Variants in CNTNAP2 observed in about 807,000 individuals in gnomAD.
The protein encoded by CNTNAP2 is contactin-associated protein-like 2.
CNTNAP2 carries 98 observed loss-of-function variants against 155.2 expected under a neutral mutation model. That is an observed-to-expected ratio of 0.63 (90% CI 0.54 to 0.75). The LOEUF (loss-of-function observed/expected upper bound fraction) is 0.75. CNTNAP2 is among the 30% of genes least tolerant of loss of function. The pLI is 0.00. For missense variants in CNTNAP2, 1,727 were observed against 1,688.1 expected, an observed-to-expected ratio of 1.02 and a Z score of -0.40; for synonymous variants, 651 against 631.2, an observed-to-expected ratio of 1.03 and a Z score of -0.47.
chr7:147,775,328 TATATTTATAA>T (rs1797559253), intron 13 of CNTNAP2, among the ~76,000 whole-genome samples: 2 of 53,300 alleles, frequency 3.8e-5, no homozygotes, highest in Admixed American at 2.5e-4. Context: ...TATATTTATA[TATATTTATAA>T]ATATATATAT....
Position 147,322,288 on chromosome 7 carries a change from A to G in CNTNAP2, c.1498+21998A>G, listed in dbSNP as rs185045562. ...TAACCAAATATCCAGGTAAAGATCT[A>G]AGTCTATGCAAGGGGGGAAAGTAAT... On this transcript the variant is annotated intron_variant, in intron 9 of 23. Coordinates refer to ENST00000361727, the MANE Select transcript of CNTNAP2 (RefSeq NM_014141.6). 1.1e-3 allele frequency among the ~76,000 whole-genome samples: 169 copies of G among 152,316 alleles called. 2 individuals are homozygous for G. In the East Asian group the frequency reaches 0.024, roughly 22 times the overall value.
At chr7:146,524,634 A>G (rs1169940633) in intron 1 of CNTNAP2, among the ~76,000 whole-genome samples, 2 of 152,080 alleles carry the variant, frequency 1.3e-5, no homozygotes, top group Non-Finnish European at 2.9e-5. Flanking sequence ...TTGTTTTCTC[A>G]CCACAATGCC....
At chr7:147,757,951 G>A (rs1797237360) in intron 13 of CNTNAP2, among the ~76,000 whole-genome samples, 1 of 152,104 alleles carries the variant, frequency 6.6e-6, no homozygotes. Context: ...AAGGCCCACT[G>A]AAAAACAAAC....
chr7:146,883,184 G>T lies in CNTNAP2; in HGVS notation c.402+43280G>T, dbSNP rs545419468. ...TTATTTTAGCCATGGATATGCATTTGTACATTGTATTTTTCAAAATTTTTA... is the reference window on the plus strand; with the variant it reads ...TTATTTTAGCCATGGATATGCATTTTTACATTGTATTTTTCAAAATTTTTA... On this transcript the variant is annotated intron_variant, in intron 3 of 23. Transcript: ENST00000361727. Among the ~76,000 whole-genome samples the T allele has an allele frequency of 6.7e-4, 102 of 152,178 alleles. 1 individual carries two copies. Among genetic ancestry groups the T allele is most frequent in the Middle Eastern group, 6.8e-3 (2 of 294 alleles).
intron 4 of CNTNAP2, chr7:147,085,885 G>A (rs1303457388): frequency 6.6e-6 from 1 of 152,216 alleles, no homozygotes; most frequent in Non-Finnish European, 1.5e-5. Flanking sequence ...CAAATGTCCT[G>A]TGTGTTCCTG....
intron 1 of CNTNAP2, among the ~76,000 whole-genome samples, chr7:146,246,844 C>G (rs564805528): frequency 6.6e-6 from 1 of 152,304 alleles, no homozygotes; most frequent in Non-Finnish European, 1.5e-5. Context: ...GCACTTGTAG[C>G]AAGCTCCTGG....
intron 21 of CNTNAP2, among the ~76,000 whole-genome samples, chr7:148,340,107 ATT>A (rs1292035214): frequency 6.6e-6 from 1 of 152,032 alleles, no homozygotes; most frequent in African/African-American, 2.4e-5. Context: ...ATGCTATAAA[ATT>A]TTTGAGACTT....
rs60540172 is a variant in CNTNAP2, at chr7:146,535,315, C to A, written c.98-238956C>A. Among the ~76,000 whole-genome samples the A allele has an allele frequency of 1.5e-4, 8 of 52,550 alleles. 1 individual carries two copies. Among genetic ancestry groups the A allele is most frequent in the East Asian group, 6.3e-4 (1 of 1,584 alleles). 34.5% of individuals were successfully genotyped at this position (52,550 alleles called of 152,430 possible). A position where few individuals can be genotyped will look rare whatever the true frequency, so the allele number is the denominator to read the frequency against. On this transcript the variant is annotated intron_variant, in intron 1 of 23. Coordinates refer to ENST00000361727, the MANE Select transcript of CNTNAP2 (RefSeq NM_014141.6). ...ATGTATATTATATATGATATTATAT[C>A]ATATATATTATATATTATATAATGC...
chr7:147,856,583 A>G (rs561822790), intron 13 of CNTNAP2, among the ~76,000 whole-genome samples: 8 of 151,250 alleles, frequency 5.3e-5, no homozygotes, highest in Non-Finnish European at 1.2e-4. Flanking sequence ...CCCAATACTT[A>G]TCTGTTGACA....
chr7:148,000,688 C>G (rs1234376549), intron 15 of CNTNAP2, among the ~76,000 whole-genome samples: 2 of 152,186 alleles, frequency 1.3e-5, no homozygotes, highest in African/African-American at 2.4e-5. Flanking sequence ...GAAAGATTCC[C>G]TGGCTGAATT....
Position 147,511,715 on chromosome 7 carries a change from G to A in CNTNAP2, c.1777+25674G>A, listed in dbSNP as rs564677163. On this transcript the variant is annotated intron_variant, in intron 11 of 23. Transcript: ENST00000361727. ...TAATGGCATCCAATCATACTTAGTCGCTGTGTAGATAGAAAGCTCTTTGCA... is the reference window on the plus strand; with the variant it reads ...TAATGGCATCCAATCATACTTAGTCACTGTGTAGATAGAAAGCTCTTTGCA... 2.0e-5 allele frequency among the ~76,000 whole-genome samples: 3 copies of A among 152,150 alleles called. No homozygotes were observed. In the South Asian group the frequency reaches 6.2e-4, roughly 32 times the overall value.
chr7:146,951,190 A>G (rs1216403790), intron 3 of CNTNAP2, among the ~76,000 whole-genome samples: 1 of 152,158 alleles, frequency 6.6e-6, no homozygotes, highest in East Asian at 1.9e-4. Flanking sequence ...GATTCTGGAT[A>G]TTAGCCCTTT....
At chr7:147,826,715 G>A (rs1798456758) in intron 13 of CNTNAP2, among the ~76,000 whole-genome samples, 1 of 151,884 alleles carries the variant, frequency 6.6e-6, no homozygotes, top group Admixed American at 6.6e-5. Context: ...GAGAACGCTG[G>A]GATAAAGAAA....
intron 8 of CNTNAP2, among the ~76,000 whole-genome samples, chr7:147,183,518 A>G (rs1393450357): frequency 6.6e-6 from 1 of 152,172 alleles, no homozygotes; most frequent in Non-Finnish European, 1.5e-5. Flanking sequence ...CCTTTTCAGC[A>G]TGCCAGAGCT....
At chr7:148,399,117 A>C (rs918347181) in intron 22 of CNTNAP2, among the ~76,000 whole-genome samples, 5 of 152,186 alleles carry the variant, frequency 3.3e-5, no homozygotes, top group Admixed American at 6.5e-5. Context: ...CATATCTGAG[A>C]CACAGCATTC....
At chr7:147,202,356 G>T (rs886863011) in intron 8 of CNTNAP2, among the ~76,000 whole-genome samples, 1 of 151,610 alleles carries the variant, frequency 6.6e-6, no homozygotes, top group Non-Finnish European at 1.5e-5. Context: ...GAAAATAAAT[G>T]GTAAAAAGTA....
intron 9 of CNTNAP2, among the ~76,000 whole-genome samples, chr7:147,353,784 T>A (rs1348796588): frequency 1.3e-5 from 2 of 152,154 alleles, no homozygotes; most frequent in African/African-American, 4.8e-5. Flanking sequence ...GCGTTTATAT[T>A]TCTCCACATC....
intron 1 of CNTNAP2, among the ~76,000 whole-genome samples, chr7:146,665,784 A>AAAAAAAAAAAAAAC (rs1491453995): frequency 1.2e-5 from 1 of 82,204 alleles, no homozygotes; most frequent in Non-Finnish European, 2.7e-5. Context: ...CTGTCTCATT[A>AAAAAAAAAAAAAAC]AAAAAAAAAA....
intron 13 of CNTNAP2, among the ~76,000 whole-genome samples, chr7:147,640,167 T>G: frequency 6.6e-6 from 1 of 152,072 alleles, no homozygotes; most frequent in East Asian, 1.9e-4. Context: ...TGATATGATA[T>G]ATATATATAT....
Sources: allele counts gnomAD v4.1 joint callset (sites outside exome capture counted in the v4.1 genomes callset), GRCh38; gene constraint gnomAD v4.1.1; transcripts MANE v1.5; gene names NCBI Gene and HGNC (gene_info 2026-07-23, HGNC 2026-07-21).